The following RORA variants were observed in gnomAD, a reference collection of about 807,000 sequenced individuals.
RORA encodes RAR related orphan receptor A.
Under a neutral mutation model 69.5 loss-of-function variants are expected in RORA, and 7 were observed. That is an observed-to-expected ratio of 0.10 (90% CI 0.06 to 0.19). The LOEUF (loss-of-function observed/expected upper bound fraction) is 0.19. RORA is among the 10% of genes least tolerant of loss of function. The pLI is 1.00. For missense variants in RORA, 457 were observed against 663.0 expected, an observed-to-expected ratio of 0.69 and a Z score of 3.41; for synonymous variants, 261 against 240.8, an observed-to-expected ratio of 1.08 and a Z score of -0.78.
At chr15:60,844,671 C>T (rs1359839479) in intron 1 of RORA, among the ~76,000 whole-genome samples, 1 of 152,214 alleles carries the variant, frequency 6.6e-6, no homozygotes, top group Non-Finnish European at 1.5e-5. Flanking sequence ...ACCCCAGGCA[C>T]AGATGATACC....
At chr15:60,604,808 C>G (rs2068908133) in intron 2 of RORA, among the ~76,000 whole-genome samples, 1 of 152,130 alleles carries the variant, frequency 6.6e-6, no homozygotes, top group South Asian at 2.1e-4. Flanking sequence ...CTTCAATTTC[C>G]TCTCCTGTAC....
chr15:60,583,885 G>T (rs561115016), intron 2 of RORA, among the ~76,000 whole-genome samples: 1 of 152,312 alleles, frequency 6.6e-6, no homozygotes, highest in East Asian at 1.9e-4. Flanking sequence ...TTAGCCCCGA[G>T]CAGTGGTTCC....
At chr15:61,020,774 C>T (rs1895484498) in intron 1 of RORA, among the ~76,000 whole-genome samples, 1 of 152,166 alleles carries the variant, frequency 6.6e-6, no homozygotes, top group African/African-American at 2.4e-5. Flanking sequence ...ACATTATTCC[C>T]AAACTGACAA....
At chr15:60,586,455 G>GGTGTGTGT (rs146340386) in intron 2 of RORA, among the ~76,000 whole-genome samples, 2 of 150,182 alleles carry the variant, frequency 1.3e-5, no homozygotes, top group Admixed American at 1.3e-4. Flanking sequence ...GTATTAGAGG[G>GGTGTGTGT]GTGTGTGTGT....
At chr15:60,982,908 T>A (rs1434767372) in intron 1 of RORA, among the ~76,000 whole-genome samples, 1 of 152,188 alleles carries the variant, frequency 6.6e-6, no homozygotes, top group East Asian at 1.9e-4. Flanking sequence ...TTCTCTGACA[T>A]TACTTGTTGT....
chr15:60,924,216 G>C lies in RORA; in HGVS notation c.167-245530C>G, dbSNP rs115033392. 7.8e-3 allele frequency among the ~76,000 whole-genome samples: 1,188 copies of C among 151,922 alleles called. 21 individuals carry two copies. Among genetic ancestry groups the C allele is most frequent in the African/African-American group, 0.027 (1,138 of 41,420 alleles). On this transcript the variant is annotated intron_variant, in intron 1 of 10. Transcript: ENST00000335670. Reference sequence around the variant, plus strand: ...AGCTGACAACTTTTCTGAGGCAGAAGATGTGACCAATATAGGTGCTGGGAG... The same window carrying C: ...AGCTGACAACTTTTCTGAGGCAGAACATGTGACCAATATAGGTGCTGGGAG...
intron 1 of RORA, among the ~76,000 whole-genome samples, chr15:61,199,962 G>A (rs1223559406): frequency 6.6e-6 from 1 of 152,218 alleles, no homozygotes; most frequent in East Asian, 1.9e-4. Context: ...TGAAGCAAGA[G>A]TCTGTCTCAA....
At chr15:61,030,938 T>TA (rs1227096849) in intron 1 of RORA, among the ~76,000 whole-genome samples, 1 of 152,174 alleles carries the variant, frequency 6.6e-6, no homozygotes, top group Non-Finnish European at 1.5e-5. Flanking sequence ...TATGTGTGTA[T>TA]AAAAAATATG....
chr15:61,101,971 C>A (rs2078886409), intron 1 of RORA, among the ~76,000 whole-genome samples: 2 of 152,226 alleles, frequency 1.3e-5, no homozygotes, highest in Admixed American at 1.3e-4. Flanking sequence ...GAATACCTAG[C>A]CTGCCCAGCT....
intron 1 of RORA, among the ~76,000 whole-genome samples, chr15:61,208,439 T>C (rs1371518903): frequency 6.6e-6 from 1 of 152,166 alleles, no homozygotes; most frequent in African/African-American, 2.4e-5. Flanking sequence ...ATGTGGATCT[T>C]CTGGGGCTGA....
chr15:61,113,577 C>G (rs2140791440), intron 1 of RORA, among the ~76,000 whole-genome samples: 1 of 152,302 alleles, frequency 6.6e-6, no homozygotes, highest in South Asian at 2.1e-4. Context: ...CCAGGTGCCT[C>G]CAGTGCCTGC....
At chr15:61,007,254 G>T (rs1894937705) in intron 1 of RORA, among the ~76,000 whole-genome samples, 1 of 152,076 alleles carries the variant, frequency 6.6e-6, no homozygotes, top group Non-Finnish European at 1.5e-5. Context: ...ATAATTCAGA[G>T]GTTCAAAATG....
intron 1 of RORA, among the ~76,000 whole-genome samples, chr15:60,888,815 T>G (rs921985821): frequency 4.6e-5 from 7 of 151,488 alleles, no homozygotes; most frequent in African/African-American, 1.7e-4. Context: ...TGATGAGCCC[T>G]TCCTGAGCCA....
intron 1 of RORA, among the ~76,000 whole-genome samples, chr15:60,992,402 G>A (rs1894409060): frequency 6.6e-6 from 1 of 151,174 alleles, no homozygotes. Context: ...ATAGGATAAA[G>A]GGCCTACACG....
intron 1 of RORA, among the ~76,000 whole-genome samples, chr15:61,169,523 G>GGGAC (rs2079567204): frequency 6.6e-6 from 1 of 151,666 alleles, no homozygotes; most frequent in African/African-American, 2.4e-5. Flanking sequence ...CTCCTCACAC[G>GGGAC]GGACGTAAAC....
chr15:60,548,793 A>C (rs1345700183), intron 2 of RORA, among the ~76,000 whole-genome samples: 1 of 151,958 alleles, frequency 6.6e-6, no homozygotes, highest in Non-Finnish European at 1.5e-5. Flanking sequence ...GCCCACCACC[A>C]TGCCTGGCTA....
chr15:61,066,121 T>C (rs1181196683), intron 1 of RORA, among the ~76,000 whole-genome samples: 3 of 152,202 alleles, frequency 2.0e-5, no homozygotes, highest in Non-Finnish European at 4.4e-5. Flanking sequence ...AATGGTATAT[T>C]GGCACTCATC....
At chr15:60,962,068 C>T (rs565241060) in intron 1 of RORA, among the ~76,000 whole-genome samples, 38 of 152,300 alleles carry the variant, frequency 2.5e-4, no homozygotes, top group African/African-American at 8.4e-4. Context: ...GACCACGAGG[C>T]GAGAGAGTGA....
chr15:60,791,030 T>C (rs1318891153), intron 1 of RORA, among the ~76,000 whole-genome samples: 1 of 150,908 alleles, frequency 6.6e-6, no homozygotes, highest in Non-Finnish European at 1.5e-5. Flanking sequence ...GTCTTTTGCT[T>C]GTTTGGTGGT....
Sources: allele counts gnomAD v4.1 joint callset (sites outside exome capture counted in the v4.1 genomes callset), GRCh38; gene constraint gnomAD v4.1.1; transcripts MANE v1.5; gene names NCBI Gene and HGNC (gene_info 2026-07-23, HGNC 2026-07-21).